The following PINX1 variants were observed in gnomAD, a reference collection of about 807,000 sequenced individuals.
PINX1 encodes the protein PIN2 (TERF1) interacting telomerase inhibitor 1.
PINX1 carries 34 observed loss-of-function variants against 25.4 expected under a neutral mutation model. The observed-to-expected ratio is 1.34, with a 90% CI of 1.02 to 1.78. The LOEUF is 1.78. Among genes scored for constraint, PINX1 ranks in the 40% most tolerant of loss-of-function variants. PINX1 has a pLI of 0.00. For missense variants in PINX1, 592 were observed against 404.9 expected, an observed-to-expected ratio of 1.46 and a Z score of -3.97; for synonymous variants, 197 against 147.7, an observed-to-expected ratio of 1.33 and a Z score of -2.42.
chr8:10,765,411 T>A lies in PINX1; in HGVS notation c.977A>T (p.Asp326Val), dbSNP rs571162311. The change falls in exon 7 of 7, where the codon GAT (aspartate) becomes GTT (valine). Residue 326 changes from aspartate (D) to valine (V), a missense_variant. Coordinates refer to ENST00000314787, the MANE Select transcript of PINX1 (RefSeq NM_017884.6). The part of the protein sequence containing the change: ...ETLVKKKKKK[D>V]SK ...CCGGCTGGGAAGGATTCATTTGGAATCTTTCTTCTTCTTCTTTTTCACTAG... is the reference window on the plus strand; with the variant it reads ...CCGGCTGGGAAGGATTCATTTGGAAACTTTCTTCTTCTTCTTTTTCACTAG... 37 of 1,601,802 alleles carry A rather than the reference T, an allele frequency of 2.3e-5. No homozygotes were observed. In the East Asian group the frequency reaches 6.5e-4, roughly 28 times the overall value.
At chr8:10,778,612 T>C (rs564799476) in intron 6 of PINX1, among the ~76,000 whole-genome samples, 1 of 152,284 alleles carries the variant, frequency 6.6e-6, no homozygotes, top group East Asian at 1.9e-4. Flanking sequence ...GTGCTATTCC[T>C]CCCTTTGATT....
At chr8:10,782,814 A>G (rs1005706080) in intron 6 of PINX1, among the ~76,000 whole-genome samples, 1 of 152,222 alleles carries the variant, frequency 6.6e-6, no homozygotes, top group Admixed American at 6.5e-5. Flanking sequence ...TAATAGCTGC[A>G]ATGCATTGAA....
chr8:10,768,152 A>G (rs892408858), intron 6 of PINX1, among the ~76,000 whole-genome samples: 8 of 150,942 alleles, frequency 5.3e-5, no homozygotes, highest in Non-Finnish European at 8.9e-5. Context: ...CCTCACAGCC[A>G]CACAGAGACA....
chr8:10,767,535 T>A (rs7350124), intron 6 of PINX1, among the ~76,000 whole-genome samples: 1 of 152,068 alleles, frequency 6.6e-6, no homozygotes, highest in Non-Finnish European at 1.5e-5. Flanking sequence ...TGGAATTCCA[T>A]AGGGTGATTT....
At chr8:10,807,934 C>A (rs6601527) in intron 6 of PINX1, among the ~76,000 whole-genome samples, 93,678 of 151,956 alleles carry the variant, frequency 0.62, 30,191 homozygotes, top group African/African-American at 0.8. Context: ...GGAGACAGAT[C>A]CAGCTGACAG....
intron 6 of PINX1, among the ~76,000 whole-genome samples, chr8:10,777,295 G>T (rs7834466): frequency 0.64 from 97,685 of 152,148 alleles, 32,673 homozygotes; most frequent in African/African-American, 0.82. Flanking sequence ...CAAAAAGTCA[G>T]GACCCACTTT....
chr8:10,801,737 A>T (rs531011679), intron 6 of PINX1, among the ~76,000 whole-genome samples: 30 of 152,260 alleles, frequency 2.0e-4, no homozygotes, highest in African/African-American at 6.3e-4. Flanking sequence ...ACCACCTCTA[A>T]TGAAAAAGAA....
intron 6 of PINX1, among the ~76,000 whole-genome samples, chr8:10,797,451 GT>G (rs1407181414): frequency 1.3e-5 from 2 of 152,158 alleles, no homozygotes; most frequent in Non-Finnish European, 2.9e-5. Flanking sequence ...TGATCTCAAA[GT>G]TTTGAACACA....
intron 4 of PINX1, among the ~76,000 whole-genome samples, chr8:10,829,014 G>T (rs1358773539): frequency 6.6e-6 from 1 of 152,172 alleles, no homozygotes; most frequent in Admixed American, 6.5e-5. Context: ...GAGGGTAGGT[G>T]CAGTGGCTAA....
Position 10,807,005 on chromosome 8 carries a change from T to C in PINX1, c.471+13188A>G, listed in dbSNP as rs191079964. 1.5e-3 allele frequency among the ~76,000 whole-genome samples: 222 copies of C among 152,218 alleles called. 1 individual carries two copies. The highest frequency in any genetic ancestry group is 4.5e-3 in the African/African-American group (187 of 41,526). On this transcript the variant is annotated intron_variant, in intron 6 of 6. Transcript: ENST00000314787. ...CAGCTTCCAAATGGCTCTTCATTAA[T>C]TGACTGTTAAATTACAGCAGACGGC... is the stretch of plus-strand genomic sequence containing the variant.
chr8:10,783,720 T>C (rs1305212640), intron 6 of PINX1, among the ~76,000 whole-genome samples: 2 of 152,138 alleles, frequency 1.3e-5, no homozygotes, highest in African/African-American at 2.4e-5. Context: ...GAAAAACATC[T>C]GAGTTAAGTA....
intron 6 of PINX1, among the ~76,000 whole-genome samples, chr8:10,794,617 G>A (rs2409660): frequency 0.19 from 28,905 of 151,952 alleles, 3,843 homozygotes; most frequent in African/African-American, 0.38. Flanking sequence ...AGTAGAGACG[G>A]GGTTTCACCA....
chr8:10,790,589 G>A (rs1801892737), intron 6 of PINX1, among the ~76,000 whole-genome samples: 2 of 151,980 alleles, frequency 1.3e-5, no homozygotes, highest in African/African-American at 4.8e-5. Flanking sequence ...CCAGGGCCTC[G>A]ACCTCCCAAC....
intron 6 of PINX1, among the ~76,000 whole-genome samples, chr8:10,782,244 T>G (rs1801608182): frequency 6.6e-6 from 1 of 151,888 alleles, no homozygotes; most frequent in African/African-American, 2.4e-5. Flanking sequence ...CACTGTACCT[T>G]AGCTCTCTGC....
At chr8:10,822,773 G>T (rs1451352310) in intron 5 of PINX1, among the ~76,000 whole-genome samples, 1 of 152,096 alleles carries the variant, frequency 6.6e-6, no homozygotes, top group African/African-American at 2.4e-5. Flanking sequence ...TAGAACTGAG[G>T]CTCAAAAAAC....
intron 1 of PINX1, among the ~76,000 whole-genome samples, chr8:10,835,879 T>C (rs916257420): frequency 6.6e-6 from 1 of 152,132 alleles, no homozygotes; most frequent in Non-Finnish European, 1.5e-5. Flanking sequence ...TTAATGCATA[T>C]AAATTACTGA....
intron 6 of PINX1, among the ~76,000 whole-genome samples, chr8:10,773,999 A>T (rs895869616): frequency 7.9e-5 from 12 of 152,330 alleles, no homozygotes; most frequent in South Asian, 2.1e-4. Flanking sequence ...AAATAATCCA[A>T]ATTGACTGCA....
chr8:10,820,646 T>G (rs1346137565), intron 5 of PINX1, among the ~76,000 whole-genome samples: 1 of 152,182 alleles, frequency 6.6e-6, no homozygotes, highest in Non-Finnish European at 1.5e-5. Flanking sequence ...TTCAGAGACA[T>G]GAGCTACTTA....
At chr8:10,807,069 T>C (rs1050616305) in intron 6 of PINX1, among the ~76,000 whole-genome samples, 5 of 151,982 alleles carry the variant, frequency 3.3e-5, no homozygotes, top group African/African-American at 1.2e-4. Context: ...TCCTCCCTCA[T>C]GAAGGGAGCA....
Sources: allele counts gnomAD v4.1 joint callset (sites outside exome capture counted in the v4.1 genomes callset), GRCh38; gene constraint gnomAD v4.1.1; transcripts MANE v1.5; gene names NCBI Gene and HGNC (gene_info 2026-07-23, HGNC 2026-07-21).